Variants in AQP11 observed in about 807,000 individuals in gnomAD.
AQP11 encodes aquaporin 11.
Under a neutral mutation model 21.1 loss-of-function variants are expected in AQP11, and 20 were observed. The ratio of observed to expected loss-of-function variants is 0.95; its 90% CI spans 0.67 to 1.38. The LOEUF is 1.38. Among genes scored for constraint, AQP11 ranks in the 40% most tolerant of loss-of-function variants. The pLI is 0.00. For synonymous variants in AQP11, 167 were observed against 150.1 expected (o/e 1.11, Z -0.82); for missense variants, 339 against 340.4 (o/e 1.00, Z 0.03).
intron 1 of AQP11, among the ~76,000 whole-genome samples, chr11:77,601,577 T>C (rs564134174): frequency 6.6e-6 from 1 of 152,296 alleles, no homozygotes; most frequent in East Asian, 1.9e-4. Context: ...TACAAACTCC[T>C]GGGCTCAAGT....
Position 77,590,223 on chromosome 11 carries a change from G to A in AQP11, c.231G>A (p.Trp77Ter), listed in dbSNP as rs779010359. 1 of 1,594,036 alleles carries A rather than the reference G, an allele frequency of 6.3e-7. No homozygotes were observed. Among genetic ancestry groups the A allele is most frequent in the Admixed American group, 1.7e-5 (1 of 58,308 alleles). Residue 77 changes from tryptophan to a stop codon, truncating the protein, a stop_gained, in exon 1 of 3, where the codon TGG becomes TGA. Transcript: ENST00000313578. LOFTEE classifies it high-confidence loss of function. ...LSEQHPAHPT[W>*]TLTLVYFFSL... ...AACAGCACCCCGCGCACCCCACCTG[G>A]ACGCTGACGCTCGTCTACTTCTTCT...
intron 1 of AQP11, among the ~76,000 whole-genome samples, chr11:77,598,630 C>A (rs943879219): frequency 4.6e-5 from 7 of 152,208 alleles, no homozygotes; most frequent in Non-Finnish European, 5.9e-5. Flanking sequence ...TGTTTCCTTT[C>A]CTTCCCTGTC....
rs1033736537 is a variant in AQP11, at chr11:77,609,531, A to G, written c.*154A>G. ...TATAGTTTTCATCACTGGGACTTTA[A>G]AAAAAAATTACTGTGAAAATGAGGT... On this transcript the variant is annotated 3_prime_UTR_variant, in exon 3 of 3. Transcript: ENST00000313578. 8.1e-6 allele frequency: 4 copies of G among 496,236 alleles called. No homozygotes were observed. The highest frequency in any genetic ancestry group is 1.9e-5 in the African/African-American group (1 of 51,512). The allele number at this position is 496,236 out of a possible 1,614,324, so 30.7% of individuals were successfully genotyped here.
rs185898557 is a variant in AQP11 at position 77,610,016 on chromosome 11, T to G, written c.*639T>G. The stretch of plus-strand genomic sequence containing the variant: ...GTGGTTATTCTTTAATAGAATATAA[T>G]AAAACAAAACACCCATACAAAGTCA... On this transcript the variant is annotated 3_prime_UTR_variant, in exon 3 of 3. Transcript: ENST00000313578. 8 of 152,364 alleles carry G rather than the reference T, an allele frequency of 5.3e-5. No homozygotes were observed. Among genetic ancestry groups the G allele is most frequent in the African/African-American group, 1.9e-4 (8 of 41,582 alleles). 9.4% of individuals were successfully genotyped at this position (152,364 alleles called of 1,614,324 possible).
At chr11:77,606,397 G>A (rs1009042845) in intron 2 of AQP11, among the ~76,000 whole-genome samples, 1 of 152,138 alleles carries the variant, frequency 6.6e-6, no homozygotes. Context: ...GTGATAGGTT[G>A]GGGAAAGTGA....
chr11:77,600,183 G>A (rs193192573), intron 1 of AQP11, among the ~76,000 whole-genome samples: 1 of 149,132 alleles, frequency 6.7e-6, no homozygotes, highest in African/African-American at 2.5e-5. Flanking sequence ...TGCCCAGGCT[G>A]GTTGCGAACT....
intron 1 of AQP11, among the ~76,000 whole-genome samples, chr11:77,592,469 TAAA>T (rs1958754776): frequency 6.6e-6 from 1 of 152,166 alleles, no homozygotes; most frequent in Non-Finnish European, 1.5e-5. Flanking sequence ...AGTAAAAACT[TAAA>T]AAAGAATTTT....
At chr11:77,596,444 T>TAAAA (rs66671315) in intron 1 of AQP11, among the ~76,000 whole-genome samples, 91 of 119,100 alleles carry the variant, frequency 7.6e-4, no homozygotes, top group African/African-American at 3.1e-3. Flanking sequence ...ATGTCTCAAT[T>TAAAA]AAAAAAAAAA....
intron 1 of AQP11, among the ~76,000 whole-genome samples, chr11:77,600,904 C>T (rs960774457): frequency 2.0e-5 from 3 of 151,054 alleles, no homozygotes; most frequent in Non-Finnish European, 4.4e-5. Flanking sequence ...CCCAGCTACT[C>T]GGGAGGCTGA....
Position 77,603,673 on chromosome 11 carries a change from G to GT in AQP11, c.736+2dup. ...GTATACTGGCTGGCTCCTTCTTTAG[G>GT]TAAGCGTATTTTTATTTAATATGTC... On this transcript the variant is annotated splice_donor_variant, in intron 2 of 2. Coordinates refer to ENST00000313578, the MANE Select transcript of AQP11 (RefSeq NM_173039.3). LOFTEE classifies it high-confidence loss of function. The GT allele has an allele frequency of 1.9e-6, 3 of 1,562,244 alleles. No individual in the cohort carries two copies. The highest frequency in any genetic ancestry group is 2.6e-6 in the Non-Finnish European group (3 of 1,149,596).
chr11:77,600,186 T>C (rs1958807675), intron 1 of AQP11, among the ~76,000 whole-genome samples: 1 of 151,382 alleles, frequency 6.6e-6, no homozygotes, highest in South Asian at 2.1e-4. Context: ...CCAGGCTGGT[T>C]GCGAACTCCT....
chr11:77,603,576 G>A lies in AQP11; in HGVS notation c.640G>A (p.Val214Ile), dbSNP rs759319925. The change falls in exon 2 of 3, where the codon GTA becomes ATA. Residue 214 changes from valine (V) to isoleucine (I), a missense_variant. Coordinates refer to ENST00000313578, the MANE Select transcript of AQP11 (RefSeq NM_173039.3). ...VYAGGSLTGA[V>I]FNPALALSLH... ...TACAGGAGGAAGTCTAACAGGAGCTGTATTTAATCCAGCTTTGGCACTTTC... is the reference window on the plus strand; with the variant it reads ...TACAGGAGGAAGTCTAACAGGAGCTATATTTAATCCAGCTTTGGCACTTTC... 6.3e-7 allele frequency: 1 copy of A among 1,598,264 alleles called. No homozygotes were observed. The highest frequency in any genetic ancestry group is 1.2e-5 in the South Asian group (1 of 86,938).
At chr11:77,608,005 C>G (rs992011116) in intron 2 of AQP11, among the ~76,000 whole-genome samples, 7 of 151,144 alleles carry the variant, frequency 4.6e-5, no homozygotes, top group African/African-American at 1.7e-4. Flanking sequence ...ACAGACTAAT[C>G]TCTCACAAAT....
At chr11:77,594,254 A>G (rs1958765680) in intron 1 of AQP11, among the ~76,000 whole-genome samples, 2 of 152,250 alleles carry the variant, frequency 1.3e-5, no homozygotes, top group African/African-American at 4.8e-5. Context: ...TTTTTAAGTT[A>G]CAAAATGATG....
At chr11:77,597,453 T>A (rs1330131828) in intron 1 of AQP11, among the ~76,000 whole-genome samples, 1 of 152,104 alleles carries the variant, frequency 6.6e-6, no homozygotes, top group African/African-American at 2.4e-5. Flanking sequence ...GCGCCTGTAG[T>A]CTCAGCTACT....
At position 77,610,260 on chromosome 11, in the gene AQP11, G is replaced by C. The variant is rs1472617754; in HGVS notation, c.*883G>C. On this transcript the variant is annotated 3_prime_UTR_variant, in exon 3 of 3. Transcript: ENST00000313578. ...ACGATTATGACTAAAGGGAAATCAA[G>C]GGTTCATAGAAACATTAAATACTTT... The C allele has an allele frequency of 6.6e-6, 1 of 152,098 alleles. No individual in the cohort carries two copies. Among genetic ancestry groups the C allele is most frequent in the Non-Finnish European group, 1.5e-5 (1 of 68,020 alleles). 9.4% of individuals were successfully genotyped at this position (152,098 alleles called of 1,614,324 possible).
rs1425828963 is a variant in AQP11, at chr11:77,596,549, T to A, written c.619+5938T>A. 3.1e-3 allele frequency among the ~76,000 whole-genome samples: 385 copies of A among 125,482 alleles called. 4 individuals are homozygous for A. The highest frequency in any genetic ancestry group is 0.01 in the African/African-American group (319 of 30,554). 82.3% of individuals were successfully genotyped at this position (125,482 alleles called of 152,430 possible). A position where few individuals can be genotyped will look rare whatever the true frequency, so the allele number is the denominator to read the frequency against. Reference sequence around the variant, plus strand: ...AAATATATATGTAAATATATATATATATATATATATATATGTATGTAATGG... The same window carrying A: ...AAATATATATGTAAATATATATATAAATATATATATATATGTATGTAATGG... On this transcript the variant is annotated intron_variant, in intron 1 of 2. Coordinates refer to ENST00000313578, the MANE Select transcript of AQP11 (RefSeq NM_173039.3).
intron 2 of AQP11, among the ~76,000 whole-genome samples, chr11:77,608,857 G>GCT (rs945583252): frequency 1.3e-5 from 2 of 152,178 alleles, no homozygotes; most frequent in African/African-American, 4.8e-5. Context: ...AACTCCGAGT[G>GCT]CTTTCAGTTG....
chr11:77,594,363 C>G (rs1226794443), intron 1 of AQP11, among the ~76,000 whole-genome samples: 1 of 152,118 alleles, frequency 6.6e-6, no homozygotes, highest in Non-Finnish European at 1.5e-5. Flanking sequence ...TGTGAAACTC[C>G]AAGAGGAGGA....
Sources: gnomAD v4.1 joint callset for allele counts (sites outside exome capture counted in the v4.1 genomes callset) on GRCh38, gnomAD v4.1.1 for gene constraint, MANE v1.5 for transcripts, NCBI Gene and HGNC (gene_info 2026-07-23, HGNC 2026-07-21) for gene names.